The following ENPP2 variants were observed in gnomAD, a reference collection of about 807,000 sequenced individuals.
ENPP2 encodes ectonucleotide pyrophosphatase/phosphodiesterase 2.
Under a neutral mutation model 120.2 loss-of-function variants are expected in ENPP2, and 51 were observed. The ratio of observed to expected loss-of-function variants is 0.42; its 90% confidence interval spans 0.34 to 0.54. ENPP2 has a LOEUF of 0.54. Ranked by LOEUF, ENPP2 falls within the 20% of genes least tolerant of loss-of-function variation. The pLI is 0.04. For missense variants in ENPP2, 920 were observed against 1,066.5 expected, an observed-to-expected ratio of 0.86 and a Z score of 1.91; for synonymous variants, 365 against 366.4, an observed-to-expected ratio of 1.00 and a Z score of 0.04.
chr8:119,604,174 C>A (rs1252084129), intron 9 of ENPP2, among the ~76,000 whole-genome samples: 1 of 152,020 alleles, frequency 6.6e-6, no homozygotes, highest in Non-Finnish European at 1.5e-5. Flanking sequence ...ATTAAAGGTG[C>A]CTGCCACCAC....
At chr8:119,566,751 A>G (rs1472898716) in intron 22 of ENPP2, among the ~76,000 whole-genome samples, 1 of 152,202 alleles carries the variant, frequency 6.6e-6, no homozygotes, top group African/African-American at 2.4e-5. Flanking sequence ...AATAAAGAAT[A>G]AAGAAATCCA....
chr8:119,664,591 T>C (rs1056492559), intron 1 of ENPP2, among the ~76,000 whole-genome samples: 9 of 152,218 alleles, frequency 5.9e-5, no homozygotes, highest in Non-Finnish European at 1.3e-4. Flanking sequence ...GACATTATGC[T>C]TTCAAGAAAT....
intron 11 of ENPP2, among the ~76,000 whole-genome samples, chr8:119,600,092 T>TG (rs890443429): frequency 4.6e-5 from 7 of 151,940 alleles, no homozygotes; most frequent in Admixed American, 6.6e-5. Flanking sequence ...TATGTTACTT[T>TG]GGGGGGGTGA....
chr8:119,610,961 G>A (rs1389309712), intron 8 of ENPP2, among the ~76,000 whole-genome samples: 1 of 151,774 alleles, frequency 6.6e-6, no homozygotes, highest in Admixed American at 6.6e-5. Flanking sequence ...CTGGGTTTGG[G>A]CTTTCTCCCT....
chr8:119,571,587 A>C (rs1425887275), intron 19 of ENPP2: 2 of 152,114 alleles, frequency 1.3e-5, no homozygotes, highest in African/African-American at 4.8e-5. Flanking sequence ...CAGTATGAAA[A>C]TCTTCATTCC....
intron 1 of ENPP2, among the ~76,000 whole-genome samples, chr8:119,647,431 C>T (rs1472632534): frequency 1.3e-5 from 2 of 152,168 alleles, no homozygotes; most frequent in East Asian, 1.9e-4. Flanking sequence ...CCCAAGTGAA[C>T]TACTTGGCAC....
rs573104388 is a variant in ENPP2 at position 119,562,112 on chromosome 8, A to G, written c.2421+745T>C. 3.0e-4 allele frequency among the ~76,000 whole-genome samples: 42 copies of G among 138,534 alleles called. No individual in the cohort carries two copies. The East Asian group carries it at 4.3e-3, about 14-fold the overall frequency. The allele number at this position is 138,534 out of a possible 152,430, so 90.9% of individuals were successfully genotyped here. A position where few individuals can be genotyped will look rare whatever the true frequency, so the allele number is the denominator to read the frequency against. ...AGATCACACCACTGCACTCCAGCCT[A>G]GGTGACAGAGTGAGACTCCGCCTCA... On this transcript the variant is annotated intron_variant, in intron 24 of 24. Transcript: ENST00000075322.
chr8:119,669,674 C>T (rs1217571328), intron 1 of ENPP2, among the ~76,000 whole-genome samples: 1 of 152,198 alleles, frequency 6.6e-6, no homozygotes, highest in African/African-American at 2.4e-5. Flanking sequence ...AAAGGAGTCT[C>T]AGAGTTGACT....
chr8:119,630,916 C>T (rs971753752), intron 2 of ENPP2, among the ~76,000 whole-genome samples: 8 of 150,238 alleles, frequency 5.3e-5, no homozygotes, highest in Non-Finnish European at 8.9e-5. Context: ...TTTTCTGAGA[C>T]GGAGTTTTGC....
At chr8:119,589,314 C>G (rs1342555680) in intron 13 of ENPP2, among the ~76,000 whole-genome samples, 1 of 152,158 alleles carries the variant, frequency 6.6e-6, no homozygotes, top group Non-Finnish European at 1.5e-5. Flanking sequence ...TGTCACCACC[C>G]CATGCTACTG....
chr8:119,557,824 T>G (rs1232520865), intron 24 of ENPP2, 133 bp from the exon 25 acceptor site: 3 of 623,780 alleles, frequency 4.8e-6, no homozygotes, highest in East Asian at 3.2e-5. Context: ...TGATCCTTCC[T>G]GGCCTCCCTG....
chr8:119,655,513 C>T (rs866862710), intron 1 of ENPP2, among the ~76,000 whole-genome samples: 3 of 152,174 alleles, frequency 2.0e-5, no homozygotes, highest in African/African-American at 7.2e-5. Flanking sequence ...GAGTTAGGAA[C>T]CCTCTCTGGA....
At chr8:119,667,829 A>G (rs1218032709) in intron 1 of ENPP2, among the ~76,000 whole-genome samples, 1 of 152,178 alleles carries the variant, frequency 6.6e-6, no homozygotes, top group Non-Finnish European at 1.5e-5. Context: ...TTTCGTAAAG[A>G]TCAATTACAG....
intron 18 of ENPP2, 87 bp downstream of exon 18, chr8:119,582,331 A>G (rs780103700): frequency 4.0e-5 from 40 of 996,662 alleles, no homozygotes; most frequent in Non-Finnish European, 6.1e-5. Flanking sequence ...ATTATAGACC[A>G]TGTCCATTGT....
rs370801618 is a variant in ENPP2, at chr8:119,563,063, GC to G, written c.2265-51del. On this transcript the variant is annotated intron_variant, in intron 23 of 24. Coordinates refer to ENST00000075322, the MANE Select transcript of ENPP2 (RefSeq NM_001040092.3). ...TCACAGTTGATGAGTTGATGTTGAA[GC>G]TTTCTTTTTTAAATGGTGATCAATG... is the stretch of plus-strand genomic sequence containing the variant. The G allele has an allele frequency of 6.5e-4, 1,002 of 1,535,460 alleles. 13 individuals are homozygous for G. The South Asian group carries it at 0.011, about 17-fold the overall frequency.
At chr8:119,651,299 ATGGAACAGACATTC>A (rs1426110931) in intron 1 of ENPP2, among the ~76,000 whole-genome samples, 2 of 152,258 alleles carry the variant, frequency 1.3e-5, no homozygotes, top group Non-Finnish European at 2.9e-5. Context: ...CACATTTGAC[ATGGAACAGACATTC>A]TTTTAAGTGG....
At chr8:119,588,786 A>ATTACAT (rs1813297464) in intron 13 of ENPP2, among the ~76,000 whole-genome samples, 4 of 152,206 alleles carry the variant, frequency 2.6e-5, no homozygotes, top group African/African-American at 2.4e-5. Flanking sequence ...TACTCAGATA[A>ATTACAT]GTCCCAGAGA....
intron 19 of ENPP2, among the ~76,000 whole-genome samples, chr8:119,577,679 C>A (rs1012636793): frequency 1.3e-5 from 2 of 152,328 alleles, no homozygotes; most frequent in East Asian, 3.9e-4. Context: ...CTTAGAATAG[C>A]ATGAGCTATT....
At chr8:119,608,061 A>G in intron 8 of ENPP2, 84 bp from the exon 9 acceptor site, 1 of 840,980 alleles carries the variant, frequency 1.2e-6, no homozygotes, top group Non-Finnish European at 1.9e-6. Context: ...ATTAGATCAG[A>G]TATCTTATAC....
Sources: allele counts gnomAD v4.1 joint callset (sites outside exome capture counted in the v4.1 genomes callset), GRCh38; gene constraint gnomAD v4.1.1; transcripts MANE v1.5; gene names NCBI Gene and HGNC (gene_info 2026-07-23, HGNC 2026-07-21).